Variants in CASK observed in about 807,000 individuals in gnomAD.
CASK encodes calcium/calmodulin dependent serine protein kinase, also known as peripheral plasma membrane protein CASK.
In CASK, 4 loss-of-function variants were observed where a neutral mutation model predicts 82.9. The ratio of observed to expected loss-of-function variants is 0.05; its 90% CI spans 0.02 to 0.11. The LOEUF is 0.11. Among genes scored for constraint, CASK ranks in the 10% least tolerant of loss-of-function variants. The probability of loss-of-function intolerance (pLI) is 1.00; values close to 1 mark genes in which losing one functional copy is unlikely to be tolerated. For missense variants in CASK, 358 were observed against 720.9 expected (o/e 0.50, Z 5.76); for synonymous variants, 259 against 253.5 (o/e 1.02, Z -0.20).
intron 2 of CASK, among the ~76,000 whole-genome samples, chrX:41,845,639 G>T (rs757191589): frequency 9.0e-6 from 1 of 111,441 alleles, no homozygotes; most frequent in Non-Finnish European, 1.9e-5. Context: ...AACGACATGA[G>T]ATACCATCTC....
chrX:41,723,384 C>A (rs958657839), intron 5 of CASK, among the ~76,000 whole-genome samples: 2 of 111,808 alleles, frequency 1.8e-5, no homozygotes, highest in Non-Finnish European at 3.8e-5. Context: ...CAGACTGATT[C>A]GACAATCCTG....
intron 2 of CASK, among the ~76,000 whole-genome samples, chrX:41,803,557 A>G (rs2147865965): frequency 9.0e-6 from 1 of 111,670 alleles, no homozygotes; most frequent in South Asian, 3.8e-4. Flanking sequence ...ACGCCATTGC[A>G]CTCCAGCCTG....
intron 2 of CASK, among the ~76,000 whole-genome samples, chrX:41,787,518 A>C (rs1329214257): frequency 9.2e-6 from 1 of 109,016 alleles, no homozygotes; most frequent in Non-Finnish European, 1.9e-5. Context: ...TTAATAAAAA[A>C]AGTACACATT....
intron 18 of CASK, chrX:41,558,440 C>A (rs1449984422): frequency 9.1e-6 from 1 of 110,364 alleles, no homozygotes; most frequent in African/African-American, 3.3e-5. Context: ...ACTAACAGTA[C>A]CTTCTGGTTA....
chrX:41,784,700 A>C (rs13440483), intron 3 of CASK, among the ~76,000 whole-genome samples: 1,446 of 110,670 alleles, frequency 0.013, 22 homozygotes, highest in African/African-American at 0.044. Context: ...ACTTGGTGAA[A>C]CCTATCTCTA....
chrX:41,625,580 T>C (rs1298171756), intron 10 of CASK, among the ~76,000 whole-genome samples: 3 of 110,756 alleles, frequency 2.7e-5, no homozygotes, highest in Non-Finnish European at 5.7e-5. Flanking sequence ...CTCAAACTCC[T>C]GAGCTCAGGT....
chrX:41,684,787 T>C (rs1198513598), intron 5 of CASK, among the ~76,000 whole-genome samples: 1 of 112,033 alleles, frequency 8.9e-6, no homozygotes, highest in African/African-American at 3.3e-5. Context: ...TGTGAGCCAC[T>C]GTGCCCGGTT....
intron 1 of CASK, among the ~76,000 whole-genome samples, chrX:41,870,652 G>A (rs938380300): frequency 2.7e-5 from 3 of 112,272 alleles, no homozygotes; most frequent in Non-Finnish European, 3.8e-5. Flanking sequence ...AAATCAGGAA[G>A]GAATAAAGTT....
chrX:41,692,037 G>A (rs2067576083), intron 5 of CASK, among the ~76,000 whole-genome samples: 1 of 110,728 alleles, frequency 9.0e-6, no homozygotes, highest in Non-Finnish European at 1.9e-5. Context: ...GGGATTACAG[G>A]CGTGAGCCAC....
intron 12 of CASK, among the ~76,000 whole-genome samples, chrX:41,596,173 C>A (rs939607540): frequency 2.1e-5 from 2 of 93,961 alleles, no homozygotes; most frequent in Non-Finnish European, 4.2e-5. Flanking sequence ...CCAGCCTGGG[C>A]AACAGAGTGA....
At chrX:41,722,787 G>A (rs987218450) in intron 5 of CASK, among the ~76,000 whole-genome samples, 1 of 112,467 alleles carries the variant, frequency 8.9e-6, no homozygotes, top group Admixed American at 9.4e-5. Context: ...AAACAAGAGC[G>A]TTCTTTTTTC....
At chrX:41,545,844 C>T (rs1222385690) in intron 21 of CASK, among the ~76,000 whole-genome samples, 2 of 109,037 alleles carry the variant, frequency 1.8e-5, no homozygotes, top group Non-Finnish European at 3.8e-5. Context: ...CCCGCCGAGA[C>T]GAAGTCTTAC....
intron 3 of CASK, among the ~76,000 whole-genome samples, chrX:41,759,750 T>A (rs113767397): frequency 4.7e-3 from 522 of 111,987 alleles, no homozygotes; most frequent in African/African-American, 0.015. Flanking sequence ...TCTTTTTTCA[T>A]ATCTTATTTG....
intron 10 of CASK, among the ~76,000 whole-genome samples, chrX:41,625,858 C>A (rs2066361465): frequency 9.3e-6 from 1 of 107,794 alleles, no homozygotes; most frequent in African/African-American, 3.4e-5. Context: ...CGGATCACTG[C>A]AACCTCCGCC....
At chrX:41,681,800 C>T (rs1318358383) in intron 5 of CASK, among the ~76,000 whole-genome samples, 1 of 109,480 alleles carries the variant, frequency 9.1e-6, no homozygotes, top group Admixed American at 9.8e-5. Context: ...CAAAAATTAG[C>T]CGGGCATGGT....
chrX:41,901,893 T>C (rs2072388896), intron 1 of CASK, among the ~76,000 whole-genome samples: 1 of 111,914 alleles, frequency 8.9e-6, no homozygotes, highest in Non-Finnish European at 1.9e-5. Flanking sequence ...GGTGCTAGAA[T>C]GAGCCTGGCA....
intron 5 of CASK, chrX:41,727,229 T>C (rs1328830503): frequency 8.3e-7 from 1 of 1,201,062 alleles, no homozygotes; most frequent in Non-Finnish European, 1.1e-6. Flanking sequence ...TGCAGTGCCA[T>C]GCCTTTCATG....
chrX:41,684,077 T>C (rs188654698), intron 5 of CASK, among the ~76,000 whole-genome samples: 168 of 112,225 alleles, frequency 1.5e-3, no homozygotes, highest in Non-Finnish European at 1.8e-3. Context: ...AATGCTGGAA[T>C]CTGTCAGTTT....
chrX:41,579,386 A>G (rs1043695749), intron 14 of CASK, among the ~76,000 whole-genome samples: 16 of 111,939 alleles, frequency 1.4e-4, no homozygotes, highest in Non-Finnish European at 2.3e-4. Context: ...TATTATTATG[A>G]CTTCTTTTTG....
Sources: allele counts gnomAD v4.1 joint callset (sites outside exome capture counted in the v4.1 genomes callset), GRCh38; gene constraint gnomAD v4.1.1; transcripts MANE v1.5; gene names NCBI Gene and HGNC (gene_info 2026-07-23, HGNC 2026-07-21).